Variants in HOXA4 observed in about 807,000 individuals in gnomAD.
HOXA4 encodes homeobox protein Hox-A4.
Under a neutral mutation model 25.3 loss-of-function variants are expected in HOXA4, and 31 were observed. That is an observed-to-expected ratio of 1.22 (90% CI 0.92 to 1.65). The LOEUF is 1.65. Among genes scored for constraint, HOXA4 ranks in the 40% most tolerant of loss-of-function variants. The pLI, the probability that HOXA4 is intolerant of heterozygous loss-of-function variation, is 0.00. For missense variants in HOXA4, 459 were observed against 446.0 expected (o/e 1.03, Z -0.26); for synonymous variants, 225 against 207.7 (o/e 1.08, Z -0.72).
rs1785408261 is a variant in HOXA4, at chr7:27,129,237, G to A, written c.951C>T (p.Pro317=). 2.0e-6 allele frequency: 3 copies of A among 1,535,464 alleles called. No homozygotes were observed. The highest frequency in any genetic ancestry group is 1.1e-5 in the South Asian group (1 of 89,470). ...HPHPSTSTPV[P]SSI Reference sequence around the variant, plus strand: ...GATCTCTAGAAGATTATATGGAGGAGGGAACGGGTGTGGAGGTGCTCGGGT... The same window carrying A: ...GATCTCTAGAAGATTATATGGAGGAAGGAACGGGTGTGGAGGTGCTCGGGT... The change falls in exon 2 of 2, where the codon CCC becomes CCT. Residue 317 remains proline (P), a synonymous_variant. Coordinates refer to ENST00000360046, the MANE Select transcript of HOXA4 (RefSeq NM_002141.5).
chr7:27,129,642 G>C, intron 1 of HOXA4, 71 bp from the exon 2 acceptor site: 1 of 1,553,114 alleles, frequency 6.4e-7, no homozygotes, highest in South Asian at 1.1e-5. Flanking sequence ...GAGGAGGAGA[G>C]AGAAGGTGGG....
Position 27,128,573 on chromosome 7 carries a change from ACAT to A in HOXA4, c.*649_*651del, listed in dbSNP as rs1178335510. 1 of 152,582 alleles carries A rather than the reference ACAT, an allele frequency of 6.6e-6. No individual in the cohort carries two copies. Among genetic ancestry groups the A allele is most frequent in the African/African-American group, 2.4e-5 (1 of 41,460 alleles). The allele number at this position is 152,582 out of a possible 1,614,324, so 9.5% of individuals were successfully genotyped here. On this transcript the variant is annotated 3_prime_UTR_variant, in exon 2 of 2. Coordinates refer to ENST00000360046, the MANE Select transcript of HOXA4 (RefSeq NM_002141.5). ...TTAGCACATGGCTTTCTATGTAGCC[ACAT>A]CACAATTTGTACAGTTCCACATAAG...
rs1160971095 is a variant in HOXA4 at position 27,130,119 on chromosome 7, G to A, written c.615C>T (p.Ala205=). The change falls in exon 1 of 2, where the codon GCC becomes GCT. Residue 205 remains alanine (A), a splice_region_variant and synonymous_variant. Transcript: ENST00000360046. ...CGCCTCCCAAGCGGCGCCACGTACC[G>A]GCGCTGACATGGATCTTCTTCATCC... ...YPWMKKIHVS[A]VNPSYNGGEP... 5.6e-6 allele frequency: 9 copies of A among 1,598,604 alleles called. No homozygotes were observed. In the African/African-American group the frequency reaches 6.7e-5, roughly 12 times the overall value.
At chr7:27,129,779 A>C (rs920685527) in intron 1 of HOXA4, among the ~76,000 whole-genome samples, 2 of 152,218 alleles carry the variant, frequency 1.3e-5, no homozygotes, top group African/African-American at 4.8e-5. Context: ...AGAGCCATAA[A>C]GAATGGTGCT....
At position 27,128,840 on chromosome 7, in the gene HOXA4, G is replaced by A. The variant is rs2128053591; in HGVS notation, c.*385C>T. On this transcript the variant is annotated 3_prime_UTR_variant, in exon 2 of 2. Coordinates refer to ENST00000360046, the MANE Select transcript of HOXA4 (RefSeq NM_002141.5). Reference sequence around the variant, plus strand: ...GGGGAAGAGGAGGTAAGGAAGGTGGGGAAAGGGTCTGTCTTCTTCTGCTTT... The same window carrying A: ...GGGGAAGAGGAGGTAAGGAAGGTGGAGAAAGGGTCTGTCTTCTTCTGCTTT... 4.0e-6 allele frequency: 1 copy of A among 248,132 alleles called. No homozygotes were observed. The highest frequency in any genetic ancestry group is 7.9e-6 in the Non-Finnish European group (1 of 126,956). 15.4% of individuals were successfully genotyped at this position (248,132 alleles called of 1,614,324 possible).
chr7:27,129,220 G>A lies in HOXA4; in HGVS notation c.*5C>T. ...GGATAGAAACTGGTTAAGATCTCTA[G>A]AAGATTATATGGAGGAGGGAACGGG... On this transcript the variant is annotated 3_prime_UTR_variant, in exon 2 of 2. Transcript: ENST00000360046. The A allele has an allele frequency of 2.0e-6, 3 of 1,464,198 alleles. No homozygotes were observed. Among genetic ancestry groups the A allele is most frequent in the Non-Finnish European group, 2.9e-6 (3 of 1,043,756 alleles). The allele number at this position is 1,464,198 out of a possible 1,614,324, so 90.7% of individuals were successfully genotyped here.
At position 27,130,111 on chromosome 7, in the gene HOXA4, C is replaced by A; in HGVS notation, c.616+7G>T. ...ACCTCCCGCGCCTCCCAAGCGGCGCCACGTACCGGCGCTGACATGGATCTT... is the reference window on the plus strand; with the variant it reads ...ACCTCCCGCGCCTCCCAAGCGGCGCAACGTACCGGCGCTGACATGGATCTT... On this transcript the variant is annotated splice_region_variant and intron_variant, in intron 1 of 1. Coordinates refer to ENST00000360046, the MANE Select transcript of HOXA4 (RefSeq NM_002141.5). The A allele has an allele frequency of 6.3e-7, 1 of 1,595,476 alleles. No homozygotes were observed. Among genetic ancestry groups the A allele is most frequent in the Non-Finnish European group, 8.5e-7 (1 of 1,173,998 alleles).
chr7:27,130,557 C>G lies in HOXA4; in HGVS notation c.177G>C (p.Gln59His). The G allele has an allele frequency of 2.1e-6, 3 of 1,431,728 alleles. No homozygotes were observed. The highest frequency in any genetic ancestry group is 2.8e-6 in the Non-Finnish European group (3 of 1,090,590). The allele number at this position is 1,431,728 out of a possible 1,614,324, so 88.7% of individuals were successfully genotyped here. A position where few individuals can be genotyped will look rare whatever the true frequency, so the allele number is the denominator to read the frequency against. The change falls in exon 1 of 2, where the codon CAG (glutamine) becomes CAC (histidine). Residue 59 changes from glutamine (Q) to histidine (H), a missense_variant. Transcript: ENST00000360046. ...CTCGGCCGCCGCCCGCGTGAGGGAGCTGGGGCTGCTGCAGCGGCAGGTGCT... is the reference window on the plus strand; with the variant it reads ...CTCGGCCGCCGCCCGCGTGAGGGAGGTGGGGCTGCTGCAGCGGCAGGTGCT... The part of the protein sequence containing the change: ...PTQHLPLQQP[Q>H]LPHAGGGREP...
chr7:27,129,357 G>A lies in HOXA4; in HGVS notation c.831C>T (p.Pro277=). 6.2e-7 allele frequency: 1 copy of A among 1,614,196 alleles called. No individual in the cohort carries two copies. The change falls in exon 2 of 2, where the codon CCC becomes CCT. Residue 277 remains proline (P), a synonymous_variant. Transcript: ENST00000360046. ...RMKWKKDHKL[P]NTKMRSSNSA... ...AATTGGAGGATCGCATCTTGGTGTT[G>A]GGCAGTTTGTGGTCTTTCTTCCACT...
Position 27,130,704 on chromosome 7 carries a change from G to A in HOXA4, c.30C>T (p.Ser10=). The part of the protein sequence containing the change: MTMSSFLIN[S]NYIEPKFPPF... ...GAGGGAACTTGGGCTCGATGTAGTT[G>A]GAGTTTATCAAAAACGAGCTCATGG... Residue 10 remains serine (S), a synonymous_variant, in exon 1 of 2, where the codon TCC becomes TCT. Coordinates refer to ENST00000360046, the MANE Select transcript of HOXA4 (RefSeq NM_002141.5). 5 of 1,608,418 alleles carry A rather than the reference G, an allele frequency of 3.1e-6. No homozygotes were observed. The highest frequency in any genetic ancestry group is 4.2e-6 in the Non-Finnish European group (5 of 1,177,210).
rs1362261029 is a variant in HOXA4 at position 27,129,392 on chromosome 7, G to A, written c.796C>T (p.Arg266Trp). Residue 266 changes from arginine to tryptophan, a missense_variant, in exon 2 of 2, where the codon CGG becomes TGG. Coordinates refer to ENST00000360046, the MANE Select transcript of HOXA4 (RefSeq NM_002141.5). ...ERQVKIWFQN[R>W]RMKWKKDHKL... Reference sequence around the variant, plus strand: ...TGGTCTTTCTTCCACTTCATCCTCCGGTTCTGAAACCAGATCTTGACCTGG... The same window carrying A: ...TGGTCTTTCTTCCACTTCATCCTCCAGTTCTGAAACCAGATCTTGACCTGG... 3 of 1,614,040 alleles carry A rather than the reference G, an allele frequency of 1.9e-6. No homozygotes were observed. Among genetic ancestry groups the A allele is most frequent in the Admixed American group, 3.3e-5 (2 of 60,002 alleles).
At position 27,129,289 on chromosome 7, in the gene HOXA4, T is replaced by C; in HGVS notation, c.899A>G (p.Gln300Arg). ...SAGPPGKAQTQSPHLHPHPHP... is the reference protein window; with the variant it reads ...SAGPPGKAQTRSPHLHPHPHP... ...GGGGTGGGGATGGAGGTGTGGGCTC[T>C]GAGTTTGTGCTTTCCCTGGTGGGCC... The change falls in exon 2 of 2, where the codon CAG becomes CGG. Residue 300 changes from glutamine to arginine, a missense_variant. Transcript: ENST00000360046. The C allele has an allele frequency of 2.5e-6, 4 of 1,613,896 alleles. No homozygotes were observed. Among genetic ancestry groups the C allele is most frequent in the Non-Finnish European group, 3.4e-6 (4 of 1,179,904 alleles).
chr7:27,130,692 C>T lies in HOXA4; in HGVS notation c.42G>A (p.Glu14=). The T allele has an allele frequency of 1.2e-6, 2 of 1,608,794 alleles. No individual in the cohort carries two copies. The highest frequency in any genetic ancestry group is 8.5e-7 in the Non-Finnish European group (1 of 1,177,468). The part of the protein sequence containing the change: ...SSFLINSNYI[E]PKFPPFEEYA... ...ACTCCTCGAAGGGAGGGAACTTGGG[C>T]TCGATGTAGTTGGAGTTTATCAAAA... The change falls in exon 1 of 2, where the codon GAG becomes GAA. Residue 14 remains glutamate, a synonymous_variant. Transcript: ENST00000360046.
Position 27,129,149 on chromosome 7 carries a change from G to C in HOXA4, c.*76C>G, listed in dbSNP as rs562740153. ...TCTATTATGGTCCAGATGGGGAGGG[G>C]TGGATGAGGAACGGAGCAGGAGAAG... On this transcript the variant is annotated 3_prime_UTR_variant, in exon 2 of 2. Coordinates refer to ENST00000360046, the MANE Select transcript of HOXA4 (RefSeq NM_002141.5). 1.1e-6 allele frequency: 1 copy of C among 901,168 alleles called. No homozygotes were observed. The highest frequency in any genetic ancestry group is 2.4e-5 in the East Asian group (1 of 41,726). The allele number at this position is 901,168 out of a possible 1,614,324, so 55.8% of individuals were successfully genotyped here.
chr7:27,130,120 G>C lies in HOXA4; in HGVS notation c.614C>G (p.Ala205Gly). 2 of 1,599,842 alleles carry C rather than the reference G, an allele frequency of 1.3e-6. No individual in the cohort carries two copies. Among genetic ancestry groups the C allele is most frequent in the Non-Finnish European group, 1.7e-6 (2 of 1,175,952 alleles). Reference sequence around the variant, plus strand: ...GCCTCCCAAGCGGCGCCACGTACCGGCGCTGACATGGATCTTCTTCATCCA... The same window carrying C: ...GCCTCCCAAGCGGCGCCACGTACCGCCGCTGACATGGATCTTCTTCATCCA... Reference protein sequence around the residue: ...YPWMKKIHVSAVNPSYNGGEP... With the variant: ...YPWMKKIHVSGVNPSYNGGEP... Residue 205 changes from alanine (A) to glycine (G), a missense_variant and splice_region_variant, in exon 1 of 2, where the codon GCC becomes GGC. By Grantham distance (60) the Ala-to-Gly change is moderately conservative (BLOSUM62 0). Transcript: ENST00000360046.
At chr7:27,129,717 A>T (rs1785438598) in intron 1 of HOXA4, 146 bp from the exon 2 acceptor site, 10 of 891,440 alleles carry the variant, frequency 1.1e-5, no homozygotes, top group African/African-American at 1.7e-5. Context: ...CGCAAGATAC[A>T]TAAAACGGCA....
In HOXA4 at chr7:27,130,134, C is replaced by A. The variant is rs921174012; in HGVS notation, c.600G>T (p.Lys200Asn). The change falls in exon 1 of 2, where the codon AAG (lysine) becomes AAT (asparagine). Residue 200 changes from lysine (K) to asparagine (N), a missense_variant. Coordinates refer to ENST00000360046, the MANE Select transcript of HOXA4 (RefSeq NM_002141.5). ...KEPVVYPWMK[K>N]IHVSAVNPSY... is the part of the protein sequence containing the mutation. ...GCCACGTACCGGCGCTGACATGGAT[C>A]TTCTTCATCCAGGGGTACACCACGG... is the stretch of plus-strand genomic sequence containing the variant. The A allele has an allele frequency of 6.2e-7, 1 of 1,603,196 alleles. No homozygotes were observed. Among genetic ancestry groups the A allele is most frequent in the Non-Finnish European group, 8.5e-7 (1 of 1,177,414 alleles).
rs759895745 is a variant in HOXA4, at chr7:27,130,592, G to C, written c.142C>G (p.Pro48Ala). ...GGPGYQQPPA[P>A]PTQHLPLQQP... ...TGCAGCGGCAGGTGCTGGGTCGGGGGCGCTGGGGGCTGCTGGTAGCCGGGG... is the reference window on the plus strand; with the variant it reads ...TGCAGCGGCAGGTGCTGGGTCGGGGCCGCTGGGGGCTGCTGGTAGCCGGGG... The change falls in exon 1 of 2, where the codon CCC (proline) becomes GCC (alanine). Residue 48 changes from proline to alanine, a missense_variant. By Grantham distance (27) the Pro-to-Ala change is conservative. Transcript: ENST00000360046. 1.4e-5 allele frequency: 21 copies of C among 1,525,230 alleles called. No individual in the cohort carries two copies. The highest frequency in any genetic ancestry group is 1.4e-5 in the African/African-American group (1 of 70,608). 94.5% of individuals were successfully genotyped at this position (1,525,230 alleles called of 1,614,324 possible). A position where few individuals can be genotyped will look rare whatever the true frequency, so the allele number is the denominator to read the frequency against.
Position 27,129,157 on chromosome 7 carries a change from G to A in HOXA4, c.*68C>T. ...GGTCCAGATGGGGAGGGGTGGATGA[G>A]GAACGGAGCAGGAGAAGAGAAGAGA... On this transcript the variant is annotated 3_prime_UTR_variant, in exon 2 of 2. Transcript: ENST00000360046. 1.0e-6 allele frequency: 1 copy of A among 963,294 alleles called. No individual in the cohort carries two copies. Among genetic ancestry groups the A allele is most frequent in the Non-Finnish European group, 1.7e-6 (1 of 587,496 alleles). 59.7% of individuals were successfully genotyped at this position (963,294 alleles called of 1,614,324 possible). A position where few individuals can be genotyped will look rare whatever the true frequency, so the allele number is the denominator to read the frequency against.
Sources: allele counts gnomAD v4.1 joint callset (sites outside exome capture counted in the v4.1 genomes callset), GRCh38; gene constraint gnomAD v4.1.1; transcripts MANE v1.5; gene names NCBI Gene and HGNC (gene_info 2026-07-23, HGNC 2026-07-21).